Variants in CSMD1 observed in about 807,000 individuals in gnomAD.
CSMD1 encodes CUB and Sushi multiple domains 1.
A neutral mutation model predicts 417.5 loss-of-function variants in CSMD1; 213 were observed. The ratio of observed to expected loss-of-function variants is 0.51; its 90% CI spans 0.46 to 0.57. The LOEUF (loss-of-function observed/expected upper bound fraction) is 0.57, where lower values mean the gene tolerates loss of function less well. Ranked by LOEUF, CSMD1 falls within the 20% of genes least tolerant of loss-of-function variation. The pLI is 0.00. For missense variants in CSMD1, 6,923 were observed against 4,529.7 expected (o/e 1.53, Z -15.17); for synonymous variants, 2,862 against 1,736.8 (o/e 1.65, Z -16.11).
At chr8:3,073,293 G>A (rs1336370172) in intron 49 of CSMD1, among the ~76,000 whole-genome samples, 1 of 152,084 alleles carries the variant, frequency 6.6e-6, no homozygotes, top group African/African-American at 2.4e-5. Flanking sequence ...CCTACCAGAT[G>A]ATTTAACATA....
At chr8:3,182,476 A>G (rs748804245) in intron 36 of CSMD1, among the ~76,000 whole-genome samples, 1 of 152,048 alleles carries the variant, frequency 6.6e-6, no homozygotes, top group Non-Finnish European at 1.5e-5. Flanking sequence ...CGGCCTCCCA[A>G]AGTCCTGGGA....
intron 3 of CSMD1, among the ~76,000 whole-genome samples, chr8:4,238,139 C>G (rs535715900): frequency 1.3e-5 from 2 of 152,314 alleles, no homozygotes; most frequent in South Asian, 4.1e-4. Context: ...CTAAAAATGT[C>G]TGGTAAGTCC....
At chr8:4,896,298 C>G (rs1276446380) in intron 1 of CSMD1, among the ~76,000 whole-genome samples, 1 of 152,060 alleles carries the variant, frequency 6.6e-6, no homozygotes, top group Non-Finnish European at 1.5e-5. Context: ...TTATGGGTCT[C>G]TTTACATTCA....
intron 7 of CSMD1, among the ~76,000 whole-genome samples, chr8:3,687,151 A>C (rs1174569628): frequency 6.6e-6 from 1 of 152,260 alleles, no homozygotes; most frequent in South Asian, 2.1e-4. Context: ...TGATATAAGC[A>C]TCACACCTCT....
At chr8:4,856,265 G>A (rs1409643781) in intron 1 of CSMD1, among the ~76,000 whole-genome samples, 1 of 141,174 alleles carries the variant, frequency 7.1e-6, no homozygotes, top group East Asian at 2.1e-4. Flanking sequence ...CCTGAAGGAA[G>A]CACTAAACAT....
intron 5 of CSMD1, among the ~76,000 whole-genome samples, chr8:3,878,293 C>A (rs954320967): frequency 3.9e-5 from 6 of 152,156 alleles, no homozygotes; most frequent in Non-Finnish European, 7.3e-5. Flanking sequence ...AAATCAATCT[C>A]TTCTCCCAGT....
At chr8:4,946,976 T>C (rs1808412446) in intron 1 of CSMD1, among the ~76,000 whole-genome samples, 1 of 152,094 alleles carries the variant, frequency 6.6e-6, no homozygotes, top group Non-Finnish European at 1.5e-5. Flanking sequence ...TTTTGAGGAG[T>C]CAGTAATCAA....
intron 3 of CSMD1, among the ~76,000 whole-genome samples, chr8:4,418,149 G>C (rs1448781417): frequency 1.3e-5 from 2 of 151,332 alleles, no homozygotes; most frequent in Non-Finnish European, 2.9e-5. Context: ...CTTTTAAATA[G>C]AGGTTTGTCT....
chr8:3,408,110 A>G lies in CSMD1; in HGVS notation c.1860T>C (p.Ser620=). ...CVWLIISEPG[S]RIHLIFNDFD... The stretch of plus-strand genomic sequence containing the variant: ...AATCATTAAAGATTAGGTGAATTCG[A>G]CTTCCTGGCTCCGAGATAATCAACC... The change falls in exon 14 of 70, where the codon AGT becomes AGC. Residue 620 remains serine (S), a synonymous_variant. Transcript: ENST00000635120. The G allele has an allele frequency of 6.2e-7, 1 of 1,613,888 alleles. No homozygotes were observed. Among genetic ancestry groups the G allele is most frequent in the Non-Finnish European group, 8.5e-7 (1 of 1,179,850 alleles).
intron 50 of CSMD1, chr8:3,043,630 A>G (rs941128364): frequency 6.6e-6 from 1 of 152,174 alleles, no homozygotes; most frequent in Admixed American, 6.5e-5. Context: ...TAAAGAAACA[A>G]TACCCACATA....
intron 5 of CSMD1, among the ~76,000 whole-genome samples, chr8:3,787,352 C>T (rs1799504754): frequency 1.3e-5 from 2 of 152,050 alleles, no homozygotes. Flanking sequence ...AATGTTGATG[C>T]CATTTTGCTT....
At chr8:4,227,036 G>C (rs1285709288) in intron 3 of CSMD1, among the ~76,000 whole-genome samples, 2 of 151,696 alleles carry the variant, frequency 1.3e-5, no homozygotes, top group South Asian at 2.1e-4. Context: ...AGATGGGTCT[G>C]TATCAACTCT....
At chr8:3,275,843 A>C (rs373973484) in intron 26 of CSMD1, among the ~76,000 whole-genome samples, 41,246 of 151,226 alleles carry the variant, frequency 0.27, 5,815 homozygotes, top group African/African-American at 0.34. Context: ...AACTTTTTTC[A>C]TAGTTTTCAA....
intron 10 of CSMD1, among the ~76,000 whole-genome samples, chr8:3,510,218 G>A (rs775541372): frequency 1.3e-4 from 20 of 150,894 alleles, no homozygotes; most frequent in Admixed American, 9.9e-4. Flanking sequence ...TCAGGGAGTC[G>A]GCAGGAGAAG....
chr8:3,741,300 G>C (rs907177484), intron 6 of CSMD1, among the ~76,000 whole-genome samples: 4 of 150,416 alleles, frequency 2.7e-5, no homozygotes, highest in African/African-American at 4.9e-5. Context: ...TAGTAGGTCA[G>C]AGACTAAATG....
At chr8:3,555,338 G>T (rs1051757107) in intron 10 of CSMD1, among the ~76,000 whole-genome samples, 2 of 152,072 alleles carry the variant, frequency 1.3e-5, no homozygotes, top group African/African-American at 4.8e-5. Context: ...CTTGGGACAC[G>T]TTCAGGGTAT....
intron 1 of CSMD1, among the ~76,000 whole-genome samples, chr8:4,898,218 C>G (rs1372959052): frequency 2.0e-5 from 3 of 152,096 alleles, no homozygotes; most frequent in Non-Finnish European, 2.9e-5. Context: ...GATTAAAACG[C>G]ACACATGAAC....
chr8:4,013,151 C>T (rs1468895972), intron 4 of CSMD1, among the ~76,000 whole-genome samples: 6 of 152,100 alleles, frequency 3.9e-5, no homozygotes, highest in Admixed American at 3.3e-4. Context: ...TCCCACACTG[C>T]TCAGTATAGA....
intron 3 of CSMD1, among the ~76,000 whole-genome samples, chr8:4,084,172 A>C (rs923933157): frequency 2.0e-5 from 3 of 149,756 alleles, no homozygotes; most frequent in Non-Finnish European, 4.4e-5. Context: ...ATTAAAAGAG[A>C]AAGAATTTTA....
Sources: gnomAD v4.1 joint callset for allele counts (sites outside exome capture counted in the v4.1 genomes callset) on GRCh38, gnomAD v4.1.1 for gene constraint, MANE v1.5 for transcripts, NCBI Gene and HGNC (gene_info 2026-07-23, HGNC 2026-07-21) for gene names.